The following EPB41 variants were observed in gnomAD, a reference collection of about 807,000 sequenced individuals.
The protein encoded by EPB41 is erythrocyte membrane protein band 4.1, also known as protein 4.1.
EPB41 carries 65 observed loss-of-function variants against 108.0 expected under a neutral mutation model. The observed-to-expected ratio is 0.60, with a 90% confidence interval of 0.49 to 0.74. The LOEUF (loss-of-function observed/expected upper bound fraction) is 0.74, where lower values mean the gene tolerates loss of function less well. Ranked by LOEUF, EPB41 falls within the 30% of genes least tolerant of loss-of-function variation. EPB41 has a pLI of 0.00. For synonymous variants in EPB41, 336 were observed against 358.9 expected, an observed-to-expected ratio of 0.94 and a Z score of 0.72; for missense variants, 875 against 1,037.0, an observed-to-expected ratio of 0.84 and a Z score of 2.15.
At chr1:29,063,399 A>C (rs1646858914) in intron 15 of EPB41, among the ~76,000 whole-genome samples, 1 of 152,188 alleles carries the variant, frequency 6.6e-6, no homozygotes, top group Non-Finnish European at 1.5e-5. Flanking sequence ...TTTGATCTCA[A>C]AGCAGGTATA....
At chr1:28,999,278 G>T (rs563950882) in intron 4 of EPB41, among the ~76,000 whole-genome samples, 1 of 152,246 alleles carries the variant, frequency 6.6e-6, no homozygotes, top group Non-Finnish European at 1.5e-5. Context: ...GCTGAGGCAG[G>T]AGAATGGCGT....
intron 1 of EPB41, among the ~76,000 whole-genome samples, chr1:28,951,993 G>T (rs977853999): frequency 6.6e-6 from 1 of 152,140 alleles, no homozygotes; most frequent in Non-Finnish European, 1.5e-5. Flanking sequence ...AGAGTCAGGG[G>T]TGACCTTGCC....
chr1:28,918,763 AAAAAG>A (rs1179127479), intron 1 of EPB41, among the ~76,000 whole-genome samples: 6 of 152,212 alleles, frequency 3.9e-5, no homozygotes, highest in African/African-American at 1.4e-4. Context: ...CTCAAAGAGA[AAAAAG>A]AAAAAGTAAT....
chr1:28,929,075 A>G (rs2093600038), intron 1 of EPB41, among the ~76,000 whole-genome samples: 1 of 152,226 alleles, frequency 6.6e-6, no homozygotes, highest in African/African-American at 2.4e-5. Context: ...ATCAGAAATA[A>G]TATGTAATAT....
chr1:29,119,974 G>GTGTT lies in EPB41; in HGVS notation c.*3164_*3167dup, dbSNP rs1434096235. 1 of 152,624 alleles carries GTGTT rather than the reference G, an allele frequency of 6.6e-6. No individual in the cohort carries two copies. The highest frequency in any genetic ancestry group is 2.4e-5 in the African/African-American group (1 of 41,438). The allele number at this position is 152,624 out of a possible 1,614,324, so 9.5% of individuals were successfully genotyped here. A position where few individuals can be genotyped will look rare whatever the true frequency, so the allele number is the denominator to read the frequency against. Reference sequence around the variant, plus strand: ...GCCTTTCGTAGTAGAAGTGGTTGTAGTGTTTAGATATCTGTTTGGTCTTGC... The same window carrying GTGTT: ...GCCTTTCGTAGTAGAAGTGGTTGTAGTGTTTGTTTAGATATCTGTTTGGTCTTGC... On this transcript the variant is annotated 3_prime_UTR_variant, in exon 21 of 21. Transcript: ENST00000343067.
chr1:29,096,575 C>G (rs923061539), intron 16 of EPB41: 23 of 985,524 alleles, frequency 2.3e-5, no homozygotes, highest in African/African-American at 3.5e-5. Context: ...TGTGGGTAAC[C>G]AGTTCCCCAC....
Position 28,900,956 on chromosome 1 carries a change from A to G in EPB41, c.-8+13746A>G, listed in dbSNP as rs543439768. On this transcript the variant is annotated intron_variant, in intron 1 of 16. Coordinates refer to the EPB41 transcript ENST00000347529. ...ATTTATTTATTTATTTTGAGACGGA[A>G]TCTCACTCTGTTACCCAGGCTGGAG... Among the ~76,000 whole-genome samples, 209 of 151,958 alleles carry G rather than the reference A, an allele frequency of 1.4e-3. 2 individuals carry two copies. The highest frequency in any genetic ancestry group is 2.7e-3 in the Non-Finnish European group (183 of 67,974).
Position 28,993,538 on chromosome 1 carries a change from T to C in EPB41, c.677T>C (p.Val226Ala). 6.2e-7 allele frequency: 1 copy of C among 1,613,884 alleles called. No homozygotes were observed. The highest frequency in any genetic ancestry group is 8.5e-7 in the Non-Finnish European group (1 of 1,179,916). ...LLDDTVYECV[V>A]EKHAKGQDLL... The stretch of plus-strand genomic sequence containing the variant: ...GATGACACAGTTTATGAATGTGTTG[T>C]GGAGGTGAGTATGTTTTCATTTCCA... Residue 226 changes from valine to alanine, a missense_variant, in exon 3 of 21, where the codon GTG (valine) becomes GCG (alanine). Physicochemically the swap from Val to Ala is moderately conservative, Grantham distance 64. Around this residue, in one of 3 missense-constraint regions of EPB41, gnomAD observed 353 missense variants for 393.2 expected, o/e 0.90. Transcript: ENST00000343067.
intron 1 of EPB41, among the ~76,000 whole-genome samples, chr1:28,934,666 TTGTGTGTGTGTG>T (rs1204147204): frequency 4.4e-5 from 6 of 136,398 alleles, no homozygotes; most frequent in Non-Finnish European, 9.3e-5. Context: ...TCTTTTGACA[TTGTGTGTGTGTG>T]TGTGTGTGTG....
intron 1 of EPB41, among the ~76,000 whole-genome samples, chr1:28,932,454 A>G (rs1374634524): frequency 1.3e-5 from 2 of 149,758 alleles, no homozygotes; most frequent in Non-Finnish European, 3.0e-5. Flanking sequence ...CAGGAGCCAA[A>G]GCTGCTGCTT....
chr1:29,043,844 G>T (rs954615215), intron 11 of EPB41, among the ~76,000 whole-genome samples: 1 of 152,220 alleles, frequency 6.6e-6, no homozygotes, highest in Non-Finnish European at 1.5e-5. Context: ...CTGGACTTGA[G>T]TGTTGGCAAC....
At chr1:29,047,091 T>G (rs1334267992) in intron 11 of EPB41, among the ~76,000 whole-genome samples, 1 of 152,116 alleles carries the variant, frequency 6.6e-6, no homozygotes, top group Non-Finnish European at 1.5e-5. Flanking sequence ...TGTTACTGTT[T>G]AGAAGAATTC....
At chr1:29,039,542 G>T in intron 11 of EPB41, 116 bp downstream of exon 11, 1 of 1,343,634 alleles carries the variant, frequency 7.4e-7, no homozygotes, top group Non-Finnish European at 1.0e-6. Flanking sequence ...GCCTGGTGCA[G>T]TGGCTTACAC....
In EPB41 at chr1:29,119,713, G is replaced by C. The variant is rs953221648; in HGVS notation, c.*2901G>C. On this transcript the variant is annotated 3_prime_UTR_variant, in exon 21 of 21. Coordinates refer to ENST00000343067, the MANE Select transcript of EPB41 (RefSeq NM_001376013.1). ...AGCTGCGGCCTGACTGACGCCTTTT[G>C]ATGCTCACGGGAAATTTCTGCCCAG... 1 of 152,658 alleles carries C rather than the reference G, an allele frequency of 6.6e-6. No homozygotes were observed. The highest frequency in any genetic ancestry group is 1.9e-4 in the East Asian group (1 of 5,208). The allele number at this position is 152,658 out of a possible 1,614,324, so 9.5% of individuals were successfully genotyped here. A position where few individuals can be genotyped will look rare whatever the true frequency, so the allele number is the denominator to read the frequency against.
At chr1:29,009,910 C>A (rs1200545825) in intron 4 of EPB41, among the ~76,000 whole-genome samples, 2 of 152,100 alleles carry the variant, frequency 1.3e-5, no homozygotes, top group Non-Finnish European at 2.9e-5. Flanking sequence ...ATATAATAGT[C>A]AAAGTAGTAT....
chr1:28,984,342 A>G (rs2095825421), intron 1 of EPB41, among the ~76,000 whole-genome samples: 2 of 152,150 alleles, frequency 1.3e-5, no homozygotes, highest in Admixed American at 6.5e-5. Context: ...TCTGCCTAGA[A>G]TTTCTCTGCC....
At chr1:28,919,113 C>A (rs2092890891) in intron 1 of EPB41, among the ~76,000 whole-genome samples, 1 of 152,174 alleles carries the variant, frequency 6.6e-6, no homozygotes, top group African/African-American at 2.4e-5. Flanking sequence ...GTGCTGATCT[C>A]ATTTAGAACT....
chr1:28,957,756 A>C (rs532514051), intron 1 of EPB41, among the ~76,000 whole-genome samples: 1 of 152,160 alleles, frequency 6.6e-6, no homozygotes, highest in Non-Finnish European at 1.5e-5. Context: ...GGTCTTTAAA[A>C]ATGGCCTATT....
intron 11 of EPB41, among the ~76,000 whole-genome samples, chr1:29,046,068 A>G (rs1378357033): frequency 2.6e-5 from 4 of 152,052 alleles, no homozygotes; most frequent in Non-Finnish European, 4.4e-5. Flanking sequence ...AATACAATTA[A>G]TTTTTCTAGT....
Sources: allele counts gnomAD v4.1 joint callset (sites outside exome capture counted in the v4.1 genomes callset), GRCh38; gene constraint gnomAD v4.1.1; regional missense constraint gnomAD v4.1.1; transcripts MANE v1.5; gene names NCBI Gene and HGNC (gene_info 2026-07-23, HGNC 2026-07-21).